The following ST6GAL1 variants were observed in gnomAD, a reference collection of about 807,000 sequenced individuals.
ST6GAL1 encodes the protein beta-galactoside alpha-2,6-sialyltransferase 1.
A neutral mutation model predicts 38.0 loss-of-function variants in ST6GAL1; 20 were observed. That is an observed-to-expected ratio of 0.53 (90% CI 0.37 to 0.77). ST6GAL1 has a LOEUF of 0.77. Among genes scored for constraint, ST6GAL1 ranks in the 30% least tolerant of loss-of-function variants. The pLI, the probability that ST6GAL1 is intolerant of heterozygous loss-of-function variation, is 0.00. For synonymous variants in ST6GAL1, 196 were observed against 188.2 expected (o/e 1.04, Z -0.34); for missense variants, 432 against 496.4 (o/e 0.87, Z 1.23).
At chr3:187,048,880 A>AATTTTTT (rs1286181913) in intron 4 of ST6GAL1, among the ~76,000 whole-genome samples, 4 of 115,456 alleles carry the variant, frequency 3.5e-5, no homozygotes, top group African/African-American at 1.1e-4. Flanking sequence ...GAGAAATTGA[A>AATTTTTT]TTTTTTTTTT....
chr3:186,971,208 C>T (rs934934231), intron 2 of ST6GAL1, among the ~76,000 whole-genome samples: 6 of 152,260 alleles, frequency 3.9e-5, no homozygotes, highest in Admixed American at 1.3e-4. Context: ...TCTGCCTCAG[C>T]CTCCTGAGTA....
intron 2 of ST6GAL1, among the ~76,000 whole-genome samples, chr3:186,981,134 A>G (rs1002492273): frequency 1.3e-5 from 2 of 152,276 alleles, no homozygotes; most frequent in African/African-American, 4.8e-5. Flanking sequence ...AGCAAAGTTC[A>G]TCTGAGCAAA....
chr3:187,067,394 C>CTTTT (rs3055154), intron 5 of ST6GAL1, among the ~76,000 whole-genome samples: 1 of 114,122 alleles, frequency 8.8e-6, no homozygotes, highest in Admixed American at 9.0e-5. Context: ...GCAAGGCAAC[C>CTTTT]TTTTTTTTTT....
In ST6GAL1 at chr3:187,046,430, C is replaced by T. The variant is rs76540536; in HGVS notation, c.607+3120C>T. 5.0e-3 allele frequency among the ~76,000 whole-genome samples: 758 copies of T among 152,162 alleles called. 7 individuals carry two copies. The East Asian group carries it at 0.059, about 12-fold the overall frequency. On this transcript the variant is annotated intron_variant, in intron 4 of 7. Transcript: ENST00000169298. ...TTAATTCTAGAGAAGGATCAGATATCGAGATAGATTTACAAGTCATTTGTA... is the reference window on the plus strand; with the variant it reads ...TTAATTCTAGAGAAGGATCAGATATTGAGATAGATTTACAAGTCATTTGTA...
intron 2 of ST6GAL1, among the ~76,000 whole-genome samples, chr3:186,994,231 A>G (rs906757464): frequency 3.3e-5 from 5 of 152,240 alleles, no homozygotes; most frequent in African/African-American, 1.2e-4. Context: ...TGATCAGCTG[A>G]AAGCCCACAA....
chr3:186,956,122 C>G (rs546323460), intron 1 of ST6GAL1, among the ~76,000 whole-genome samples: 4 of 152,102 alleles, frequency 2.6e-5, no homozygotes, highest in Non-Finnish European at 4.4e-5. Context: ...CACATCTCAA[C>G]TGCCTCATTT....
At chr3:187,004,438 A>G (rs1716715363) in intron 2 of ST6GAL1, among the ~76,000 whole-genome samples, 1 of 152,262 alleles carries the variant, frequency 6.6e-6, no homozygotes, top group Admixed American at 6.5e-5. Context: ...AAGTTTTTCT[A>G]TAGAAAGATG....
intron 2 of ST6GAL1, among the ~76,000 whole-genome samples, chr3:187,028,790 C>T (rs1396425403): frequency 2.0e-5 from 3 of 152,150 alleles, no homozygotes; most frequent in Non-Finnish European, 4.4e-5. Context: ...CATAGGAAGT[C>T]CTACCTTCTG....
At chr3:186,985,431 T>TA (rs1553821663) in intron 2 of ST6GAL1, among the ~76,000 whole-genome samples, 40 of 151,332 alleles carry the variant, frequency 2.6e-4, no homozygotes, top group South Asian at 6.3e-4. Flanking sequence ...CATTTTTTTT[T>TA]AAAGTGAGTA....
intron 5 of ST6GAL1, among the ~76,000 whole-genome samples, chr3:187,054,323 C>T (rs1718616521): frequency 6.6e-6 from 1 of 152,216 alleles, no homozygotes; most frequent in African/African-American, 2.4e-5. Flanking sequence ...CTGGCCAGAA[C>T]TTCCAACACT....
At chr3:187,044,062 G>T (rs1165898891) in intron 4 of ST6GAL1, among the ~76,000 whole-genome samples, 1 of 152,224 alleles carries the variant, frequency 6.6e-6, no homozygotes, top group Non-Finnish European at 1.5e-5. Flanking sequence ...CAGGAAGGGA[G>T]TTTGTAGACT....
rs555466776 is a variant in ST6GAL1, at chr3:186,980,267, C to T, written c.-183+16341C>T. 6.6e-5 allele frequency among the ~76,000 whole-genome samples: 10 copies of T among 152,212 alleles called. No homozygotes were observed. In the East Asian group the frequency reaches 1.2e-3, roughly 18 times the overall value. ...GGAGCCTGGGGAGCAGTGGATGCAG[C>T]GGGCACCCTGGATGATACTAGGATC... On this transcript the variant is annotated intron_variant, in intron 2 of 7. Transcript: ENST00000169298.
At chr3:186,977,847 A>T (rs1011529472) in intron 2 of ST6GAL1, among the ~76,000 whole-genome samples, 8 of 152,352 alleles carry the variant, frequency 5.3e-5, no homozygotes, top group African/African-American at 1.4e-4. Context: ...TATCCTCATC[A>T]CTTGAAATAG....
In ST6GAL1 at chr3:187,043,087, G is replaced by C; in HGVS notation, c.384G>C (p.Gly128=). 1 of 1,614,158 alleles carries C rather than the reference G, an allele frequency of 6.2e-7. No homozygotes were observed. Among genetic ancestry groups the C allele is most frequent in the Non-Finnish European group, 8.5e-7 (1 of 1,180,024 alleles). Residue 128 remains glycine, a synonymous_variant, in exon 4 of 8, where the codon GGG becomes GGC. Coordinates refer to ENST00000169298, the MANE Select transcript of ST6GAL1 (RefSeq NM_173216.2). ...SMNKYKVSYK[G]PGPGIKFSAE... Reference sequence around the variant, plus strand: ...ACAAGTACAAAGTGTCCTACAAGGGGCCAGGACCAGGCATCAAGTTCAGTG... The same window carrying C: ...ACAAGTACAAAGTGTCCTACAAGGGCCCAGGACCAGGCATCAAGTTCAGTG...
At chr3:186,957,723 T>TA (rs1352048427) in intron 1 of ST6GAL1, among the ~76,000 whole-genome samples, 1 of 152,108 alleles carries the variant, frequency 6.6e-6, no homozygotes, top group Admixed American at 6.6e-5. Flanking sequence ...ACAATAGAAA[T>TA]ATGATTGACA....
intron 2 of ST6GAL1, among the ~76,000 whole-genome samples, chr3:187,010,582 C>T (rs1221427935): frequency 1.3e-5 from 2 of 152,068 alleles, no homozygotes; most frequent in African/African-American, 4.8e-5. Context: ...AATCACCTAG[C>T]CTTGTTTCCA....
chr3:187,075,488 T>G lies in ST6GAL1; in HGVS notation c.980-74T>G, dbSNP rs1291712447. 3.8e-6 allele frequency: 6 copies of G among 1,577,870 alleles called. No individual in the cohort carries two copies. The highest frequency in any genetic ancestry group is 1.3e-5 in the African/African-American group (1 of 74,198). On this transcript the variant is annotated intron_variant, in intron 7 of 7. Coordinates refer to ENST00000169298, the MANE Select transcript of ST6GAL1 (RefSeq NM_173216.2). This position sits in a 1 kb window ranked among gnomAD's most constrained non-coding sequence, Gnocchi z 4.1. ...CTCCAAATTTGGGGTCATGAGCTGCTGAACCCACTGGGCAGAGCTCTGGGG... is the reference window on the plus strand; with the variant it reads ...CTCCAAATTTGGGGTCATGAGCTGCGGAACCCACTGGGCAGAGCTCTGGGG...
At chr3:186,958,401 T>A (rs2108524480) in intron 1 of ST6GAL1, among the ~76,000 whole-genome samples, 1 of 152,170 alleles carries the variant, frequency 6.6e-6, no homozygotes, top group East Asian at 1.9e-4. Context: ...AGAGGTGGTA[T>A]ATAGAATGGT....
intron 1 of ST6GAL1, among the ~76,000 whole-genome samples, chr3:186,935,371 G>GTATA (rs34815046): frequency 5.3e-5 from 8 of 151,502 alleles, no homozygotes; most frequent in South Asian, 2.1e-4. Context: ...GTATTCCATA[G>GTATA]TATATATATA....
Sources: allele counts gnomAD v4.1 joint callset (sites outside exome capture counted in the v4.1 genomes callset), GRCh38; gene constraint gnomAD v4.1.1; non-coding constraint Gnocchi (gnomAD v3.1); transcripts MANE v1.5; gene names NCBI Gene and HGNC (gene_info 2026-07-23, HGNC 2026-07-21).